The following TBC1D19 variants were observed in gnomAD, a reference collection of about 807,000 sequenced individuals.
The protein encoded by TBC1D19 is TBC1 domain family, member 19.
TBC1D19 carries 60 observed loss-of-function variants against 89.0 expected under a neutral mutation model. That is an observed-to-expected ratio of 0.67 (90% CI 0.55 to 0.84). TBC1D19 has a LOEUF of 0.84. TBC1D19 is among the 40% of genes least tolerant of loss of function. TBC1D19 has a pLI of 0.00. For missense variants in TBC1D19, 500 were observed against 610.8 expected, an observed-to-expected ratio of 0.82 and a Z score of 1.91; for synonymous variants, 189 against 199.7, an observed-to-expected ratio of 0.95 and a Z score of 0.45.
chr4:26,718,188 A>G (rs553802820), intron 14 of TBC1D19, among the ~76,000 whole-genome samples, 171 bp downstream of exon 14: 25 of 152,088 alleles, frequency 1.6e-4, no homozygotes, highest in Non-Finnish European at 2.9e-4. Flanking sequence ...CAAGTAATTT[A>G]TCACAAATCA....
At chr4:26,848,171 A>G in the TBC1D19 span, among the ~76,000 whole-genome samples, 17 of 152,342 alleles carry the variant, frequency 1.1e-4, no homozygotes, top group Admixed American at 9.8e-4. Context: ...TCTCCCAAAT[A>G]TGGCTGGGCA....
intron 15 of TBC1D19, among the ~76,000 whole-genome samples, chr4:26,726,178 CAT>C (rs1717311044): frequency 1.6e-5 from 2 of 121,732 alleles, no homozygotes; most frequent in African/African-American, 3.2e-5. Context: ...CACACACACA[CAT>C]CAGGAAACAT....
chr4:26,799,596 A>C, the TBC1D19 span, among the ~76,000 whole-genome samples: 3 of 152,196 alleles, frequency 2.0e-5, no homozygotes, highest in African/African-American at 7.2e-5. Flanking sequence ...TGATCAGGTT[A>C]TAAGAGCTCT....
the TBC1D19 span, among the ~76,000 whole-genome samples, chr4:26,807,732 C>T: frequency 6.6e-6 from 1 of 152,210 alleles, no homozygotes. Flanking sequence ...TAAGGTCACC[C>T]CCTACATTCT....
At chr4:26,627,287 C>T (rs1356688468) in intron 4 of TBC1D19, among the ~76,000 whole-genome samples, 1 of 152,072 alleles carries the variant, frequency 6.6e-6, no homozygotes, top group African/African-American at 2.4e-5. Flanking sequence ...TCCAGTCTAT[C>T]ATTGTTGGAC....
At chr4:26,645,948 C>T (rs1743897658) in intron 7 of TBC1D19, among the ~76,000 whole-genome samples, 2 of 151,324 alleles carry the variant, frequency 1.3e-5, no homozygotes, top group Admixed American at 1.3e-4. Flanking sequence ...ACGGTGAAAC[C>T]CCGTCTCTAC....
the TBC1D19 span, among the ~76,000 whole-genome samples, chr4:26,853,519 C>T: frequency 1.5e-4 from 23 of 152,100 alleles, no homozygotes; most frequent in Non-Finnish European, 2.6e-4. Flanking sequence ...TACTTTGTCC[C>T]AGTTAGAGAA....
chr4:26,781,226 G>A, the TBC1D19 span, among the ~76,000 whole-genome samples: 1 of 152,140 alleles, frequency 6.6e-6, no homozygotes, highest in Non-Finnish European at 1.5e-5. Flanking sequence ...CCAAGTTTGA[G>A]GGCCATTGCT....
At chr4:26,732,673 T>C (rs1268130171) in intron 15 of TBC1D19, among the ~76,000 whole-genome samples, 1 of 152,198 alleles carries the variant, frequency 6.6e-6, no homozygotes, top group East Asian at 1.9e-4. Flanking sequence ...TATTATTCTT[T>C]GTTGTTTTTG....
intron 13 of TBC1D19, among the ~76,000 whole-genome samples, chr4:26,706,722 A>T (rs1715764703): frequency 6.6e-6 from 1 of 152,054 alleles, no homozygotes; most frequent in Non-Finnish European, 1.5e-5. Context: ...AAGTTTTGAT[A>T]TGTCATGGTT....
intron 16 of TBC1D19, among the ~76,000 whole-genome samples, chr4:26,736,468 G>T (rs896337584): frequency 6.7e-6 from 1 of 150,132 alleles, no homozygotes; most frequent in African/African-American, 2.4e-5. Flanking sequence ...TGGGTGCAGC[G>T]CACCAGCATG....
At position 26,613,228 on chromosome 4, in the gene TBC1D19, C is replaced by G; in HGVS notation, c.159C>G (p.Phe53Leu). 1.3e-6 allele frequency: 2 copies of G among 1,570,984 alleles called. No homozygotes were observed. The highest frequency in any genetic ancestry group is 1.7e-6 in the Non-Finnish European group (2 of 1,154,134). ...CACTGAAAGAAGATATTAAGGAATT[C>G]TTTAAAATATCAGGTTTGTAAGTTT... ...LESLKEDIKE[F>L]FKISGWEKKL... The change falls in exon 2 of 21, where the codon TTC (phenylalanine) becomes TTG (leucine). Residue 53 changes from phenylalanine to leucine, a missense_variant. Phe to Leu is a conservative substitution (Grantham distance 22, BLOSUM62 0). Coordinates refer to ENST00000264866, the MANE Select transcript of TBC1D19 (RefSeq NM_018317.4).
intron 11 of TBC1D19, among the ~76,000 whole-genome samples, chr4:26,679,585 G>C (rs950880738): frequency 6.6e-6 from 1 of 152,198 alleles, no homozygotes; most frequent in Non-Finnish European, 1.5e-5. Context: ...CCCCACTGGG[G>C]CACTGCCTAC....
chr4:26,754,010 A>G (rs1719128865), intron 20 of TBC1D19, 120 bp downstream of exon 20: 2 of 951,430 alleles, frequency 2.1e-6, no homozygotes, highest in Admixed American at 2.0e-5. Context: ...TAACTCGGGT[A>G]AAACCTGTTA....
At chr4:26,744,921 T>G (rs917731728) in intron 18 of TBC1D19, among the ~76,000 whole-genome samples, 4 of 152,184 alleles carry the variant, frequency 2.6e-5, no homozygotes, top group Non-Finnish European at 5.9e-5. Flanking sequence ...ACTTACTAAT[T>G]TTCTGTCTAC....
chr4:26,752,994 C>T (rs1184581132), intron 19 of TBC1D19, among the ~76,000 whole-genome samples: 3 of 151,970 alleles, frequency 2.0e-5, no homozygotes, highest in Non-Finnish European at 4.4e-5. Context: ...ATATTATTGA[C>T]CTTTAAGTTG....
intron 13 of TBC1D19, among the ~76,000 whole-genome samples, chr4:26,711,425 C>T (rs987632479): frequency 3.3e-5 from 5 of 151,834 alleles, no homozygotes; most frequent in African/African-American, 9.7e-5. Context: ...AATAGTTTTA[C>T]GTTAAAGTGA....
chr4:26,585,742 C>G (rs749629642), intron 1 of TBC1D19, among the ~76,000 whole-genome samples: 2 of 152,044 alleles, frequency 1.3e-5, no homozygotes, highest in African/African-American at 4.8e-5. Context: ...CACCACCATG[C>G]CCAGCTAATT....
chr4:26,655,613 A>G (rs1210703973), intron 7 of TBC1D19, among the ~76,000 whole-genome samples: 1 of 152,046 alleles, frequency 6.6e-6, no homozygotes, highest in Non-Finnish European at 1.5e-5. Context: ...TTGCAGTTTG[A>G]TCTCAGACTG....
Sources: allele counts gnomAD v4.1 joint callset (sites outside exome capture counted in the v4.1 genomes callset), GRCh38; gene constraint gnomAD v4.1.1; transcripts MANE v1.5; gene names NCBI Gene and HGNC (gene_info 2026-07-23, HGNC 2026-07-21).